Variants in GSN observed in about 807,000 individuals in gnomAD.
GSN encodes the protein actin-depolymerizing factor.
In GSN, 56 loss-of-function variants were observed where a neutral mutation model predicts 85.7. The ratio of observed to expected loss-of-function variants is 0.65; its 90% CI spans 0.53 to 0.82. The LOEUF (loss-of-function observed/expected upper bound fraction) is 0.82, where lower values mean the gene tolerates loss of function less well. Ranked by LOEUF, GSN falls within the 40% of genes least tolerant of loss-of-function variation. The pLI, the probability that GSN is intolerant of heterozygous loss-of-function variation, is 0.00. For missense variants in GSN, 857 were observed against 979.8 expected (o/e 0.87, Z 1.67); for synonymous variants, 373 against 399.1 (o/e 0.93, Z 0.78).
chr9:121,202,999 C>T (rs1021718374), upstream of GSN, among the ~76,000 whole-genome samples: 1 of 152,012 alleles, frequency 6.6e-6, no homozygotes. Context: ...TGGTGGCGGG[C>T]GCCTGTAGTC....
intron 4 of GSN, among the ~76,000 whole-genome samples, chr9:121,304,697 C>T (rs771537079): frequency 6.6e-6 from 1 of 152,206 alleles, no homozygotes; most frequent in Non-Finnish European, 1.5e-5. Context: ...TAGGTTATCT[C>T]GTTTCAGCCT....
At chr9:121,220,129 C>T (rs1181048119) in intron 4 of GSN, among the ~76,000 whole-genome samples, 1 of 152,200 alleles carries the variant, frequency 6.6e-6, no homozygotes, top group Non-Finnish European at 1.5e-5. Flanking sequence ...GTGATCCGCC[C>T]ACCTCAGCCT....
chr9:121,325,341 T>G (rs2063025301), intron 12 of GSN, among the ~76,000 whole-genome samples: 1 of 151,664 alleles, frequency 6.6e-6, no homozygotes, highest in South Asian at 2.1e-4. Context: ...CCAGGCAGAG[T>G]GAAGGAAAGC....
rs149073976 is a variant in GSN, at chr9:121,255,008, G to A, written c.-341+6685G>A. On this transcript the variant is annotated intron_variant, in intron 6 of 24. Coordinates refer to the GSN transcript ENST00000373823. ...TCTGTCGCCCAGGCTGGAGTCAGTG[G>A]CGTGATCTCGGCTCACTGCAAGCTC... 7.9e-3 allele frequency among the ~76,000 whole-genome samples: 1,198 copies of A among 152,186 alleles called. 41 individuals are homozygous for A. The highest frequency in any genetic ancestry group is 0.052 in the Admixed American group (802 of 15,286).
chr9:121,227,681 A>G (rs1373538157), intron 4 of GSN, among the ~76,000 whole-genome samples: 1 of 152,116 alleles, frequency 6.6e-6, no homozygotes, highest in African/African-American at 2.4e-5. Context: ...CCCCTGGAGA[A>G]CTGCTTGGTG....
chr9:121,250,841 C>T (rs2054810361), intron 6 of GSN, among the ~76,000 whole-genome samples: 1 of 146,974 alleles, frequency 6.8e-6, no homozygotes, highest in Non-Finnish European at 1.5e-5. Flanking sequence ...CCCTCCAATC[C>T]TTCCCTTTTT....
upstream of GSN, among the ~76,000 whole-genome samples, chr9:121,263,083 A>G (rs2055120176): frequency 1.3e-5 from 2 of 152,218 alleles, no homozygotes; most frequent in Admixed American, 1.3e-4. Flanking sequence ...AGTGAGTCGA[A>G]TGGGGGAAGC....
intron 2 of GSN, among the ~76,000 whole-genome samples, chr9:121,297,600 G>A (rs2133073484): frequency 6.6e-6 from 1 of 152,272 alleles, no homozygotes; most frequent in East Asian, 1.9e-4. Flanking sequence ...AAGGAGAAGA[G>A]GAGATATACT....
intron 6 of GSN, among the ~76,000 whole-genome samples, chr9:121,254,185 T>C (rs951453038): frequency 6.6e-6 from 1 of 152,194 alleles, no homozygotes; most frequent in South Asian, 2.1e-4. Context: ...TCAAACTGCA[T>C]AATACAGTTG....
At chr9:121,242,540 A>G (rs2054624897) in intron 5 of GSN, among the ~76,000 whole-genome samples, 2 of 152,178 alleles carry the variant, frequency 1.3e-5, no homozygotes, top group South Asian at 2.1e-4. Context: ...TTCCTTAGAG[A>G]GTCTGGTCCA....
intron 5 of GSN, among the ~76,000 whole-genome samples, chr9:121,233,890 CA>C (rs1438139129): frequency 6.6e-6 from 1 of 152,168 alleles, no homozygotes; most frequent in Non-Finnish European, 1.5e-5. Flanking sequence ...GATTGGAATT[CA>C]GTTTGCCTTC....
At chr9:121,280,894 G>A (rs2057284611) in intron 1 of GSN, 2 of 151,596 alleles carry the variant, frequency 1.3e-5, no homozygotes, top group African/African-American at 2.5e-5. Context: ...ATGCAAATGG[G>A]ATTTTAGGCT....
upstream of GSN, among the ~76,000 whole-genome samples, chr9:121,263,227 A>G (rs1455973394): frequency 3.3e-5 from 5 of 152,236 alleles, no homozygotes; most frequent in Non-Finnish European, 5.9e-5. Flanking sequence ...CTGGGCTACC[A>G]GCATGATGTC....
At chr9:121,209,163 G>A (rs969687293) in intron 1 of GSN, 1 of 152,258 alleles carries the variant, frequency 6.6e-6, no homozygotes, top group Non-Finnish European at 1.5e-5. Context: ...AACCCCAGAA[G>A]TGGGCTGCAA....
chr9:121,282,301 A>T (rs1278788969), intron 2 of GSN: 1 of 603,562 alleles, frequency 1.7e-6, no homozygotes, highest in East Asian at 2.8e-5. Flanking sequence ...CTTTGTGACC[A>T]GTGAGACAGG....
chr9:121,239,609 G>A, intron 5 of GSN: 1 of 278,362 alleles, frequency 3.6e-6, no homozygotes, highest in Non-Finnish European at 7.2e-6. Flanking sequence ...TGGCTGAAAT[G>A]CTGGTCCGAA....
intron 1 of GSN, among the ~76,000 whole-genome samples, chr9:121,276,941 T>TA (rs201067511): frequency 7.5e-4 from 111 of 147,570 alleles, no homozygotes; most frequent in African/African-American, 1.6e-3. Flanking sequence ...TAAAGTATAA[T>TA]AAAAAAAAAA....
At chr9:121,207,201 G>T (rs879431806), upstream of GSN, among the ~76,000 whole-genome samples, 7 of 152,306 alleles carry the variant, frequency 4.6e-5, no homozygotes, top group Middle Eastern at 6.8e-3. Flanking sequence ...TACTCTACTT[G>T]CAAGCTAACA....
chr9:121,256,395 A>T (rs10818520), intron 6 of GSN, among the ~76,000 whole-genome samples: 57,501 of 152,098 alleles, frequency 0.38, 13,554 homozygotes, highest in East Asian at 0.62. Context: ...GGTGGAACTG[A>T]AAGTCATTAT....
Sources: gnomAD v4.1 joint callset for allele counts (sites outside exome capture counted in the v4.1 genomes callset) on GRCh38, gnomAD v4.1.1 for gene constraint, MANE v1.5 for transcripts, NCBI Gene and HGNC (gene_info 2026-07-23, HGNC 2026-07-21) for gene names.